Variants in PLEKHG7 observed in about 807,000 individuals in gnomAD.
PLEKHG7 encodes the protein pleckstrin homology and RhoGEF domain containing G7.
In PLEKHG7, 77 loss-of-function variants were observed where a neutral mutation model predicts 85.2. The observed-to-expected ratio is 0.90, with a 90% CI of 0.75 to 1.09. PLEKHG7 has a LOEUF of 1.09. Ranked by LOEUF, PLEKHG7 falls within the 50% of genes least tolerant of loss-of-function variation. The pLI, the probability that PLEKHG7 is intolerant of heterozygous loss-of-function variation, is 0.00. For synonymous variants in PLEKHG7, 301 were observed against 302.4 expected, an observed-to-expected ratio of 1.00 and a Z score of 0.05; for missense variants, 777 against 804.3, an observed-to-expected ratio of 0.97 and a Z score of 0.41.
chr12:92,728,543 A>G (rs1871890731), intron 3 of PLEKHG7, among the ~76,000 whole-genome samples: 1 of 148,880 alleles, frequency 6.7e-6, no homozygotes. Flanking sequence ...ATATATAAAT[A>G]TATATATACA....
intron 15 of PLEKHG7, among the ~76,000 whole-genome samples, chr12:92,765,325 T>TAAAAAA (rs59974651): frequency 7.8e-6 from 1 of 128,922 alleles, no homozygotes; most frequent in Non-Finnish European, 1.6e-5. Flanking sequence ...AGTCTCTTAT[T>TAAAAAA]AAAAAAAAAA....
Position 92,729,012 on chromosome 12 carries a change from A to G in PLEKHG7, c.550A>G (p.Ser184Gly), listed in dbSNP as rs1249376858. The change falls in exon 4 of 17, where the codon AGT becomes GGT. Residue 184 changes from serine to glycine, a missense_variant. Physicochemically the swap from Ser to Gly is moderately conservative, Grantham distance 56. Coordinates refer to ENST00000344636, the MANE Select transcript of PLEKHG7 (RefSeq NM_001377329.1). ...HPSRFYEHRR[S>G]SVVLNLPGLE... ...GCACAGGTTCTACGAGCACAGGCGG[A>G]GTTCTGTGGTGCTGAACTTACCTGG... 3.2e-6 allele frequency: 4 copies of G among 1,231,586 alleles called. No individual in the cohort carries two copies. Among genetic ancestry groups the G allele is most frequent in the Non-Finnish European group, 4.0e-6 (4 of 987,750 alleles). 76.3% of individuals were successfully genotyped at this position (1,231,586 alleles called of 1,614,324 possible).
In PLEKHG7 at chr12:92,727,797, G is replaced by A. The variant is rs1226104173; in HGVS notation, c.531-1196G>A. 3.3e-5 allele frequency among the ~76,000 whole-genome samples: 5 copies of A among 151,634 alleles called. No homozygotes were observed. The East Asian group carries it at 7.7e-4, about 24-fold the overall frequency. Reference sequence around the variant, plus strand: ...GTGGAGACAGGGTTTCACCATATTGGTCAGGCTAGTCTCGAACTCCTGACC... The same window carrying A: ...GTGGAGACAGGGTTTCACCATATTGATCAGGCTAGTCTCGAACTCCTGACC... On this transcript the variant is annotated intron_variant, in intron 3 of 16. Transcript: ENST00000344636.
intron 9 of PLEKHG7, among the ~76,000 whole-genome samples, chr12:92,744,985 A>G (rs1872487442): frequency 6.6e-6 from 1 of 152,212 alleles, no homozygotes; most frequent in Admixed American, 6.5e-5. Context: ...CAAAATTTCT[A>G]CATGTTTAGA....
In PLEKHG7 at chr12:92,721,500, C is replaced by T. The variant is rs561965636; in HGVS notation, c.531-7493C>T. The T allele has an allele frequency of 2.7e-5, 33 of 1,229,704 alleles. No individual in the cohort carries two copies. The East Asian group carries it at 3.8e-4, about 14-fold the overall frequency. 76.2% of individuals were successfully genotyped at this position (1,229,704 alleles called of 1,614,324 possible). A position where few individuals can be genotyped will look rare whatever the true frequency, so the allele number is the denominator to read the frequency against. On this transcript the variant is annotated intron_variant, in intron 3 of 16. Transcript: ENST00000344636. ...TGGGACTAGTCCCTTCGGATCTGAC[C>T]AGCTTGGGGCAACGCAACTCAGGGT...
At chr12:92,764,224 T>G in intron 15 of PLEKHG7, 30 bp downstream of exon 15, 1 of 1,565,038 alleles carries the variant, frequency 6.4e-7, no homozygotes. Flanking sequence ...ATTCAGCTCA[T>G]CTGTTTGCCA....
Position 92,706,737 on chromosome 12 carries a change from C to T in PLEKHG7, c.106C>T (p.Gln36Ter). The change falls in exon 2 of 17, where the codon CAG becomes TAG. Residue 36 changes from glutamine (Q) to a stop codon, truncating the protein, a stop_gained. Coordinates refer to ENST00000344636, the MANE Select transcript of PLEKHG7 (RefSeq NM_001377329.1). LOFTEE classifies it high-confidence loss of function. ...GCCAAAGAACCAGGGGAGTCTCCTC[C>T]AGTTTGACCGGCAAGCCCCAGGCCG... ...SLPKNQGSLL[Q>*]FDRQAPGRIS... 2 of 1,614,108 alleles carry T rather than the reference C, an allele frequency of 1.2e-6. No homozygotes were observed. The highest frequency in any genetic ancestry group is 1.7e-6 in the Non-Finnish European group (2 of 1,180,028).
intron 15 of PLEKHG7, among the ~76,000 whole-genome samples, chr12:92,765,209 C>T (rs1043064841): frequency 5.9e-5 from 9 of 151,846 alleles, no homozygotes; most frequent in African/African-American, 1.9e-4. Flanking sequence ...AAATGCTGGC[C>T]GGGTGCAGTG....
intron 3 of PLEKHG7, among the ~76,000 whole-genome samples, chr12:92,718,918 T>A (rs942665870): frequency 2.6e-5 from 4 of 152,226 alleles, no homozygotes; most frequent in Non-Finnish European, 5.9e-5. Context: ...GATGAGACTC[T>A]TAAGAGGCAT....
chr12:92,757,113 G>A (rs993756871), intron 13 of PLEKHG7, among the ~76,000 whole-genome samples: 9 of 152,202 alleles, frequency 5.9e-5, no homozygotes, highest in Non-Finnish European at 1.2e-4. Flanking sequence ...AAGCCCCTGG[G>A]GCTGACTGCC....
At chr12:92,765,143 C>T (rs932663067) in intron 15 of PLEKHG7, among the ~76,000 whole-genome samples, 4 of 152,094 alleles carry the variant, frequency 2.6e-5, no homozygotes, top group Admixed American at 2.6e-4. Flanking sequence ...AATGAATATA[C>T]AAACAACAGT....
At chr12:92,763,742 G>A (rs1873102840) in intron 14 of PLEKHG7, among the ~76,000 whole-genome samples, 2 of 152,096 alleles carry the variant, frequency 1.3e-5, no homozygotes, top group South Asian at 2.1e-4. Context: ...TCACTTGAGT[G>A]TAGGAGGTTG....
At chr12:92,741,004 C>T (rs777468046) in intron 8 of PLEKHG7, 56 bp downstream of exon 8, 272 of 1,264,736 alleles carry the variant, frequency 2.2e-4, no homozygotes, top group Middle Eastern at 2.0e-3. Context: ...CATGAAAATT[C>T]ATGCTTGGTC....
intron 16 of PLEKHG7, among the ~76,000 whole-genome samples, chr12:92,769,857 T>C (rs1051654885): frequency 6.6e-6 from 1 of 152,198 alleles, no homozygotes; most frequent in South Asian, 2.1e-4. Flanking sequence ...ATAACTGTTA[T>C]CCAACATGCA....
At chr12:92,703,698 C>G (rs1406461160) in intron 1 of PLEKHG7, among the ~76,000 whole-genome samples, 2 of 152,246 alleles carry the variant, frequency 1.3e-5, no homozygotes, top group Non-Finnish European at 2.9e-5. Flanking sequence ...AACCACCTCC[C>G]TAAGCCCTGC....
In PLEKHG7 at chr12:92,771,852, C is replaced by T. The variant is rs1443536514; in HGVS notation, c.*1657C>T. 6.6e-6 allele frequency: 1 copy of T among 151,980 alleles called. No homozygotes were observed. The highest frequency in any genetic ancestry group is 1.5e-5 in the Non-Finnish European group (1 of 67,918). 9.4% of individuals were successfully genotyped at this position (151,980 alleles called of 1,614,324 possible). On this transcript the variant is annotated 3_prime_UTR_variant, in exon 17 of 17. Transcript: ENST00000344636. ...TAAAGGTAGTTTTCTCCCTCTGAAT[C>T]TCATTAAAGGGAGAGACAGACTGAC...
Position 92,729,122 on chromosome 12 carries a change from T to A in PLEKHG7, c.658+2T>A, listed in dbSNP as rs1871908390. On this transcript the variant is annotated splice_donor_variant, in intron 4 of 16. Transcript: ENST00000344636. LOFTEE classifies it high-confidence loss of function. ...ATCCACTTCTGCTGCTGAATTCAGG[T>A]TCTGTTCATTCAGTATACTTTCATT... 2.4e-6 allele frequency: 3 copies of A among 1,231,564 alleles called. No individual in the cohort carries two copies. In the South Asian group the frequency reaches 1.2e-4, roughly 51 times the overall value. The allele number at this position is 1,231,564 out of a possible 1,614,324, so 76.3% of individuals were successfully genotyped here. A position where few individuals can be genotyped will look rare whatever the true frequency, so the allele number is the denominator to read the frequency against.
At position 92,707,053 on chromosome 12, in the gene PLEKHG7, AT is replaced by A; in HGVS notation, c.423del (p.Asn141LysfsTer48). 6.2e-7 allele frequency: 1 copy of A among 1,614,050 alleles called. No homozygotes were observed. Among genetic ancestry groups the A allele is most frequent in the Non-Finnish European group, 8.5e-7 (1 of 1,179,996 alleles). On this transcript the variant is annotated frameshift_variant, in exon 2 of 17. Transcript: ENST00000344636. LOFTEE classifies it high-confidence loss of function. Reference sequence around the variant, plus strand: ...CTCCCTCCTGAGCTTCAGCCTGTCAATGAAGGGTCCCTTCACCAGGCCTCTC... The same window carrying A: ...CTCCCTCCTGAGCTTCAGCCTGTCAAGAAGGGTCCCTTCACCAGGCCTCTC... Reference protein sequence around the residue: ...KYLPPELQPVNEGSLHQASLR... With the variant: ...KYLPPELQPVXEGSLHQASLR...
chr12:92,766,239 A>G (rs1357614161), intron 15 of PLEKHG7, among the ~76,000 whole-genome samples: 1 of 152,240 alleles, frequency 6.6e-6, no homozygotes, highest in African/African-American at 2.4e-5. Context: ...GGGGAAAAAT[A>G]TCATAGTAGA....
Sources: gnomAD v4.1 joint callset for allele counts (sites outside exome capture counted in the v4.1 genomes callset) on GRCh38, gnomAD v4.1.1 for gene constraint, MANE v1.5 for transcripts, NCBI Gene and HGNC (gene_info 2026-07-23, HGNC 2026-07-21) for gene names.